PIK3AP1: variants seen among roughly 807,000 people sequenced by gnomAD.
The protein encoded by PIK3AP1 is phosphoinositide-3-kinase adaptor protein 1.
Under a neutral mutation model 88.1 loss-of-function variants are expected in PIK3AP1, and 21 were observed. The observed-to-expected ratio is 0.24, with a 90% CI of 0.17 to 0.34. The LOEUF is 0.34. PIK3AP1 is among the 10% of genes least tolerant of loss of function. The probability of loss-of-function intolerance (pLI) is 1.00; values close to 1 mark genes in which losing one functional copy is unlikely to be tolerated. For missense variants in PIK3AP1, 828 were observed against 1,035.7 expected (o/e 0.80, Z 2.75); for synonymous variants, 398 against 400.0 (o/e 1.00, Z 0.06).
At chr10:96,678,098 G>A (rs1843950031) in intron 2 of PIK3AP1, among the ~76,000 whole-genome samples, 1 of 151,952 alleles carries the variant, frequency 6.6e-6, no homozygotes, top group African/African-American at 2.4e-5. Flanking sequence ...CGAGTAGTTA[G>A]GACTACAGGC....
chr10:96,649,923 G>A lies in PIK3AP1; in HGVS notation c.989-1068C>T, dbSNP rs148876464. On this transcript the variant is annotated intron_variant, in intron 6 of 16. Coordinates refer to ENST00000339364, the MANE Select transcript of PIK3AP1 (RefSeq NM_152309.3). ...AGAAAATGGACATGTTTGTGTTTGCGGAGCTGGGGACAAATCTCTTTTTTC... is the reference window on the plus strand; with the variant it reads ...AGAAAATGGACATGTTTGTGTTTGCAGAGCTGGGGACAAATCTCTTTTTTC... 3.7e-4 allele frequency among the ~76,000 whole-genome samples: 57 copies of A among 152,288 alleles called. 1 individual carries two copies. Among genetic ancestry groups the A allele is most frequent in the African/African-American group, 1.2e-3 (48 of 41,548 alleles).
chr10:96,706,985 G>A (rs912991965), intron 2 of PIK3AP1, among the ~76,000 whole-genome samples: 1 of 152,090 alleles, frequency 6.6e-6, no homozygotes, highest in Non-Finnish European at 1.5e-5. Flanking sequence ...AATTCCATTT[G>A]TCCCTATATC....
At chr10:96,718,693 G>A (rs915932906) in intron 1 of PIK3AP1, among the ~76,000 whole-genome samples, 1 of 152,116 alleles carries the variant, frequency 6.6e-6, no homozygotes, top group Non-Finnish European at 1.5e-5. Context: ...TACACAGGAC[G>A]CTGGAAAAGA....
At chr10:96,628,546 G>C (rs763059473) in intron 8 of PIK3AP1, 53 bp from the exon 9 acceptor site, 144 of 1,431,376 alleles carry the variant, frequency 1.0e-4, no homozygotes, top group Non-Finnish European at 1.3e-4. Flanking sequence ...CACAGGCAAG[G>C]AGATTTTTAC....
rs1449755487 is a variant in PIK3AP1, at chr10:96,602,332, T to G, written c.2308A>C (p.Thr770Pro). 4 of 1,611,910 alleles carry G rather than the reference T, an allele frequency of 2.5e-6. No homozygotes were observed. The highest frequency in any genetic ancestry group is 3.4e-6 in the Non-Finnish European group (4 of 1,178,962). ...PGPPQVDGTP[T>P]MSLERPPRVP... ...CTGGGGGGTCTCTCGAGGGACATGG[T>G]GGGTGTCCCATCCACTTGTGGGGGG... Residue 770 changes from threonine (T) to proline (P), a missense_variant, in exon 16 of 17, where the codon ACC (threonine) becomes CCC (proline). Transcript: ENST00000339364.
intron 2 of PIK3AP1, among the ~76,000 whole-genome samples, chr10:96,708,829 A>C (rs894762250): frequency 6.6e-6 from 1 of 151,974 alleles, no homozygotes; most frequent in Admixed American, 6.6e-5. Context: ...TAAACATGTT[A>C]TCGAAAAAAA....
intron 2 of PIK3AP1, among the ~76,000 whole-genome samples, chr10:96,678,867 T>C (rs1324881596): frequency 6.6e-6 from 1 of 152,154 alleles, no homozygotes; most frequent in Non-Finnish European, 1.5e-5. Context: ...CTTCCAAAAG[T>C]AGAGACACAG....
chr10:96,655,142 G>A (rs990957677), intron 3 of PIK3AP1, among the ~76,000 whole-genome samples: 37 of 152,236 alleles, frequency 2.4e-4, no homozygotes, highest in Admixed American at 2.2e-3. Flanking sequence ...CACCCGCCTC[G>A]GCCTCCCAAA....
intron 2 of PIK3AP1, among the ~76,000 whole-genome samples, chr10:96,701,797 AGATTTAG>A (rs1024564487): frequency 9.9e-5 from 15 of 152,230 alleles, no homozygotes; most frequent in Non-Finnish European, 1.9e-4. Flanking sequence ...AGATTCACAA[AGATTTAG>A]GCATGAAGCT....
Position 96,628,875 on chromosome 10 carries a change from C to CACACACACATATATACATATACATATAT in PIK3AP1, c.1376-383_1376-382insATATATGTATATGTATATATGTGTGTGT, listed in dbSNP as rs1564961141. Among the ~76,000 whole-genome samples the CACACACACATATATACATATACATATAT allele has an allele frequency of 3.2e-4, 29 of 90,892 alleles. 8 individuals carry two copies. The highest frequency in any genetic ancestry group is 3.6e-4 in the South Asian group (1 of 2,742). The allele number at this position is 90,892 out of a possible 152,430, so 59.6% of individuals were successfully genotyped here. On this transcript the variant is annotated intron_variant, in intron 8 of 16. Transcript: ENST00000339364. ...ATATATACACACACACATATATACA[C>CACACACACATATATACATATACATATAT]ATATATATATATACATATATATATA...
intron 2 of PIK3AP1, among the ~76,000 whole-genome samples, chr10:96,667,604 A>T (rs1843782391): frequency 6.6e-6 from 1 of 152,204 alleles, no homozygotes; most frequent in South Asian, 2.1e-4. Flanking sequence ...TCCATCTGCC[A>T]GGGTTTCCCA....
At chr10:96,678,999 G>A (rs1462193045) in intron 2 of PIK3AP1, among the ~76,000 whole-genome samples, 1 of 152,144 alleles carries the variant, frequency 6.6e-6, no homozygotes, top group Admixed American at 6.5e-5. Context: ...CTTCATCTGA[G>A]TTATCACACT....
intron 2 of PIK3AP1, among the ~76,000 whole-genome samples, chr10:96,675,216 G>A (rs1297066093): frequency 6.7e-6 from 1 of 149,404 alleles, no homozygotes; most frequent in Non-Finnish European, 1.5e-5. Flanking sequence ...GTCAGGGAAA[G>A]TGCCTGGGAA....
intron 2 of PIK3AP1, among the ~76,000 whole-genome samples, chr10:96,694,938 T>A (rs1392604690): frequency 6.6e-6 from 1 of 152,186 alleles, no homozygotes; most frequent in Non-Finnish European, 1.5e-5. Context: ...TTTAATCACA[T>A]GCATGCCCCG....
chr10:96,717,333 C>T (rs4917749), intron 1 of PIK3AP1, among the ~76,000 whole-genome samples: 35,497 of 151,378 alleles, frequency 0.23, 5,742 homozygotes, highest in African/African-American at 0.44. Flanking sequence ...ACCACCCAGC[C>T]CAGACCATTT....
Position 96,720,400 on chromosome 10 carries a change from G to A in PIK3AP1, c.-6C>T. The A allele has an allele frequency of 8.1e-7, 1 of 1,238,574 alleles. No homozygotes were observed. Among genetic ancestry groups the A allele is most frequent in the South Asian group, 4.1e-5 (1 of 24,334 alleles). The allele number at this position is 1,238,574 out of a possible 1,614,324, so 76.7% of individuals were successfully genotyped here. The stretch of plus-strand genomic sequence containing the variant: ...TACCCACCTGAGGCTGCCATGCCGC[G>A]GGGCGCCGCTCACATCCCTGGCTCG... On this transcript the variant is annotated 5_prime_UTR_variant, in exon 1 of 17. Coordinates refer to ENST00000339364, the MANE Select transcript of PIK3AP1 (RefSeq NM_152309.3). The surrounding 1 kb of genome is among the most constrained non-coding windows in gnomAD (Gnocchi z 4.6).
chr10:96,609,992 A>C, intron 13 of PIK3AP1, 125 bp from the exon 14 acceptor site: 3 of 1,236,394 alleles, frequency 2.4e-6, no homozygotes, highest in African/African-American at 1.5e-5. Flanking sequence ...AGGGGAAGGG[A>C]AAAGACGATG....
intron 2 of PIK3AP1, among the ~76,000 whole-genome samples, chr10:96,680,461 C>G (rs1230267068): frequency 6.6e-6 from 1 of 152,126 alleles, no homozygotes; most frequent in Non-Finnish European, 1.5e-5. Flanking sequence ...CCTCCTCCCA[C>G]CCTCCACCCT....
At chr10:96,686,948 T>G (rs1844077055) in intron 2 of PIK3AP1, among the ~76,000 whole-genome samples, 1 of 152,194 alleles carries the variant, frequency 6.6e-6, no homozygotes, top group South Asian at 2.1e-4. Context: ...ACGCTCCTTT[T>G]TCCCTCTGTG....
Sources: gnomAD v4.1 joint callset for allele counts (sites outside exome capture counted in the v4.1 genomes callset) on GRCh38, gnomAD v4.1.1 for gene constraint, Gnocchi (gnomAD v3.1) non-coding constraint, MANE v1.5 for transcripts, NCBI Gene and HGNC (gene_info 2026-07-23, HGNC 2026-07-21) for gene names.